SLC25A20: variants seen among roughly 807,000 people sequenced by gnomAD.
SLC25A20 encodes solute carrier family 25 member 20, also known as mitochondrial carnitine/acylcarnitine carrier protein.
A neutral mutation model predicts 39.7 loss-of-function variants in SLC25A20; 29 were observed. The ratio of observed to expected loss-of-function variants is 0.73; its 90% confidence interval spans 0.54 to 1.00. The LOEUF (loss-of-function observed/expected upper bound fraction) is 1.00, where lower values mean the gene tolerates loss of function less well. Ranked by LOEUF, SLC25A20 falls within the 50% of genes least tolerant of loss-of-function variation. The pLI, the probability that SLC25A20 is intolerant of heterozygous loss-of-function variation, is 0.00. For synonymous variants in SLC25A20, 103 were observed against 142.2 expected (o/e 0.72, Z 1.96); for missense variants, 333 against 379.9 (o/e 0.88, Z 1.03).
chr3:48,864,194 A>G (rs1168286216), intron 4 of SLC25A20, among the ~76,000 whole-genome samples: 1 of 151,420 alleles, frequency 6.6e-6, no homozygotes, highest in Admixed American at 6.6e-5. Context: ...CTAAAAATAC[A>G]AAACTTAGCT....
At chr3:48,875,796 C>T (rs1253545865) in intron 4 of SLC25A20, among the ~76,000 whole-genome samples, 1 of 152,084 alleles carries the variant, frequency 6.6e-6, no homozygotes, top group African/African-American at 2.4e-5. Context: ...GCAGACAGAT[C>T]GCTTGAGCTC....
At chr3:48,892,250 T>C (rs373976429) in intron 1 of SLC25A20, among the ~76,000 whole-genome samples, 178 bp from the exon 2 acceptor site, 1 of 152,244 alleles carries the variant, frequency 6.6e-6, no homozygotes, top group Non-Finnish European at 1.5e-5. Context: ...TTCATTCCTT[T>C]TATTGGCAAA....
At chr3:48,869,595 TG>T (rs1173328911) in intron 4 of SLC25A20, among the ~76,000 whole-genome samples, 1 of 151,904 alleles carries the variant, frequency 6.6e-6, no homozygotes, top group East Asian at 1.9e-4. Context: ...GAGGTCAAGG[TG>T]GGAGGATCAC....
chr3:48,858,429 C>T, intron 8 of SLC25A20, 78 bp downstream of exon 8: 2 of 1,604,062 alleles, frequency 1.2e-6, no homozygotes, highest in African/African-American at 2.7e-5. Context: ...AGTCCTATCC[C>T]AGGAACAAGC....
chr3:48,897,752 C>T (rs1031136256), intron 1 of SLC25A20, among the ~76,000 whole-genome samples: 2 of 152,120 alleles, frequency 1.3e-5, no homozygotes, highest in African/African-American at 4.8e-5. Flanking sequence ...AACATCCTAA[C>T]AAACCCCCTC....
intron 4 of SLC25A20, among the ~76,000 whole-genome samples, chr3:48,876,504 A>G (rs2083758307): frequency 6.8e-6 from 1 of 147,006 alleles, no homozygotes; most frequent in African/African-American, 2.5e-5. Flanking sequence ...TGGCTCACTG[A>G]AAACTCCACC....
At chr3:48,891,870 G>C (rs2083880268) in intron 2 of SLC25A20, 110 bp downstream of exon 2, 1 of 896,436 alleles carries the variant, frequency 1.1e-6, no homozygotes, top group Non-Finnish European at 1.9e-6. Flanking sequence ...CGGCAGCTGT[G>C]AGCTAGCTGT....
At position 48,889,172 on chromosome 3, in the gene SLC25A20, A is replaced by T. The variant is rs566665712; in HGVS notation, c.198+2808T>A. The stretch of plus-strand genomic sequence containing the variant: ...AAGACCTGTGTTAATGAAGTTATTT[A>T]TTATTATTATTAATATTATTCTTAT... On this transcript the variant is annotated intron_variant, in intron 2 of 8. Coordinates refer to ENST00000319017, the MANE Select transcript of SLC25A20 (RefSeq NM_000387.6). 4.0e-5 allele frequency among the ~76,000 whole-genome samples: 6 copies of T among 151,642 alleles called. No individual in the cohort carries two copies. In the East Asian group the frequency reaches 1.2e-3, roughly 29 times the overall value.
rs559891037 is a variant in SLC25A20 at position 48,863,289 on chromosome 3, A to G, written c.418-630T>C. On this transcript the variant is annotated intron_variant, in intron 4 of 8. Coordinates refer to ENST00000319017, the MANE Select transcript of SLC25A20 (RefSeq NM_000387.6). The stretch of plus-strand genomic sequence containing the variant: ...GAAGCGACAAATACTTTAGTCATTC[A>G]TTTATTCCTTCAACAAATATCCCCT... 6.6e-5 allele frequency among the ~76,000 whole-genome samples: 10 copies of G among 152,322 alleles called. No individual in the cohort carries two copies. The South Asian group carries it at 2.1e-3, about 32-fold the overall frequency.
At chr3:48,884,247 A>G in intron 2 of SLC25A20, 123 bp from the exon 3 acceptor site, 1 of 1,209,888 alleles carries the variant, frequency 8.3e-7, no homozygotes, top group Non-Finnish European at 1.2e-6. Flanking sequence ...AGCAAGGAGA[A>G]CTTTAAATGG....
At chr3:48,863,398 G>A (rs1037595290) in intron 4 of SLC25A20, among the ~76,000 whole-genome samples, 1 of 152,180 alleles carries the variant, frequency 6.6e-6, no homozygotes, top group African/African-American at 2.4e-5. Context: ...AAAGCTCTAA[G>A]TTCCCAGACA....
chr3:48,858,011 A>G (rs1575977383), intron 8 of SLC25A20, among the ~76,000 whole-genome samples: 2 of 140,522 alleles, frequency 1.4e-5, no homozygotes, highest in Non-Finnish European at 3.0e-5. Flanking sequence ...CTTGTCACCC[A>G]GGTTGAAGTG....
At chr3:48,867,434 T>C (rs1480006781) in intron 4 of SLC25A20, among the ~76,000 whole-genome samples, 3 of 146,570 alleles carry the variant, frequency 2.0e-5, no homozygotes, top group African/African-American at 7.5e-5. Flanking sequence ...TTTGTATTTT[T>C]AGTAGAGATG....
intron 2 of SLC25A20, among the ~76,000 whole-genome samples, chr3:48,889,063 C>G (rs1206271544): frequency 6.6e-6 from 1 of 150,852 alleles, no homozygotes; most frequent in African/African-American, 2.4e-5. Context: ...GCACTCCAGA[C>G]TGGACAACAA....
At chr3:48,877,163 C>T (rs532334342) in intron 4 of SLC25A20, among the ~76,000 whole-genome samples, 16 of 151,916 alleles carry the variant, frequency 1.1e-4, no homozygotes, top group African/African-American at 3.4e-4. Flanking sequence ...TCCTGTAATC[C>T]CAACACTTTG....
intron 3 of SLC25A20, among the ~76,000 whole-genome samples, chr3:48,883,014 C>T (rs958615224): frequency 1.9e-4 from 26 of 139,154 alleles, no homozygotes; most frequent in Non-Finnish European, 3.7e-4. Context: ...GGCGAAACCC[C>T]GTCTCTACTA....
chr3:48,859,198 G>T lies in SLC25A20; in HGVS notation c.612C>A (p.Val204=). Residue 204 remains valine, a synonymous_variant, in exon 7 of 9, where the codon GTC becomes GTA. Coordinates refer to ENST00000319017, the MANE Select transcript of SLC25A20 (RefSeq NM_000387.6). ...AGATCCGAGGGGCACTGAGCTCACT[G>T]ACCCTGTATAACACCAACCACAGCC... is the stretch of plus-strand genomic sequence containing the variant. ...KNIFTPEGKR[V]SELSAPRILV... 6.2e-7 allele frequency: 1 copy of T among 1,613,624 alleles called. No homozygotes were observed. Among genetic ancestry groups the T allele is most frequent in the South Asian group, 1.1e-5 (1 of 91,004 alleles).
chr3:48,860,390 G>A (rs997431977), intron 5 of SLC25A20, among the ~76,000 whole-genome samples: 45 of 151,922 alleles, frequency 3.0e-4, no homozygotes, highest in African/African-American at 9.9e-4. Context: ...CGAGGTGGGC[G>A]GATCACGAGG....
chr3:48,883,976 T>G lies in SLC25A20; in HGVS notation c.326+21A>C, dbSNP rs773575118. On this transcript the variant is annotated intron_variant, in intron 3 of 8. Coordinates refer to ENST00000319017, the MANE Select transcript of SLC25A20 (RefSeq NM_000387.6). ...CGCTACCAGGCAGAACAGCAAGTGCTCCTGACCTGTAAGTACTCACCTGAG... is the reference window on the plus strand; with the variant it reads ...CGCTACCAGGCAGAACAGCAAGTGCGCCTGACCTGTAAGTACTCACCTGAG... The G allele has an allele frequency of 3.7e-6, 6 of 1,612,270 alleles. No homozygotes were observed. In the African/African-American group the frequency reaches 5.3e-5, roughly 14 times the overall value.
Sources: gnomAD v4.1 joint callset for allele counts (sites outside exome capture counted in the v4.1 genomes callset) on GRCh38, gnomAD v4.1.1 for gene constraint, MANE v1.5 for transcripts, NCBI Gene and HGNC (gene_info 2026-07-23, HGNC 2026-07-21) for gene names.